SLC16A7: variants seen among roughly 807,000 people sequenced by gnomAD.
SLC16A7 encodes the protein solute carrier family 16 member 7.
SLC16A7 carries 33 observed loss-of-function variants against 34.9 expected under a neutral mutation model. That is an observed-to-expected ratio of 0.94 (90% CI 0.72 to 1.26). The LOEUF is 1.26. Among genes scored for constraint, SLC16A7 ranks in the 50% most tolerant of loss-of-function variants. The pLI is 0.00. For synonymous variants in SLC16A7, 201 were observed against 206.6 expected (o/e 0.97, Z 0.23); for missense variants, 573 against 578.1 (o/e 0.99, Z 0.09).
intron 2 of SLC16A7, among the ~76,000 whole-genome samples, chr12:59,666,523 G>A (rs560139760): frequency 8.5e-5 from 13 of 152,266 alleles, no homozygotes; most frequent in Middle Eastern, 3.4e-3. Flanking sequence ...GTTGTGGGAG[G>A]GACCTGGTGG....
intron 3 of SLC16A7, among the ~76,000 whole-genome samples, chr12:59,762,221 G>GT (rs1881092121): frequency 6.6e-6 from 1 of 152,018 alleles, no homozygotes; most frequent in Non-Finnish European, 1.5e-5. Context: ...CAATTTTCGT[G>GT]TCATAAGCCA....
intron 2 of SLC16A7, among the ~76,000 whole-genome samples, chr12:59,678,647 G>A (rs1038340308): frequency 1.3e-5 from 2 of 152,142 alleles, no homozygotes; most frequent in Non-Finnish European, 2.9e-5. Flanking sequence ...CTCATGGGCA[G>A]CCACGGGTAG....
intron 1 of SLC16A7, among the ~76,000 whole-genome samples, chr12:59,599,044 C>T (rs11173096): frequency 0.65 from 99,334 of 152,104 alleles, 32,881 homozygotes; most frequent in South Asian, 0.78. Context: ...AGCACCGATG[C>T]GATCTGTTTG....
chr12:59,774,059 T>A lies in SLC16A7; in HGVS notation c.362-598T>A, dbSNP rs903023811. 7.2e-5 allele frequency among the ~76,000 whole-genome samples: 11 copies of A among 152,314 alleles called. No homozygotes were observed. The East Asian group carries it at 2.1e-3, about 29-fold the overall frequency. On this transcript the variant is annotated intron_variant, in intron 4 of 5. Transcript: ENST00000547379. Reference sequence around the variant, plus strand: ...AACTATGTTTCAAGCAAAAACCTCCTTTTTACTTAGCACACAAGTGCATCT... The same window carrying A: ...AACTATGTTTCAAGCAAAAACCTCCATTTTACTTAGCACACAAGTGCATCT...
rs115201465 is a variant in SLC16A7, at chr12:59,639,569, A to G, written c.-129-15583A>G. 8.3e-3 allele frequency among the ~76,000 whole-genome samples: 1,259 copies of G among 152,126 alleles called. 15 individuals are homozygous for G. The highest frequency in any genetic ancestry group is 0.029 in the African/African-American group (1,211 of 41,504). On this transcript the variant is annotated intron_variant, in intron 1 of 5. Transcript: ENST00000547379. The stretch of plus-strand genomic sequence containing the variant: ...TGGCTAATTTTTTTGTATCTTTTGT[A>G]GGGACAGGGGTCTCCCGATATTGCC...
chr12:59,765,300 G>T (rs186791799), intron 3 of SLC16A7, among the ~76,000 whole-genome samples: 13 of 152,112 alleles, frequency 8.5e-5, no homozygotes, highest in Admixed American at 8.5e-4. Context: ...CACTCTGATG[G>T]TAGTTTGTTT....
chr12:59,626,526 A>C (rs1210578146), intron 1 of SLC16A7, among the ~76,000 whole-genome samples: 1 of 151,792 alleles, frequency 6.6e-6, no homozygotes, highest in African/African-American at 2.4e-5. Context: ...AGCCTCAGGC[A>C]CTTTAAGTGA....
chr12:59,615,318 C>T (rs1236262235), intron 1 of SLC16A7, among the ~76,000 whole-genome samples: 1 of 152,064 alleles, frequency 6.6e-6, no homozygotes, highest in Non-Finnish European at 1.5e-5. Flanking sequence ...CTCCTTTTCA[C>T]ATCCGTGAGA....
chr12:59,641,756 G>A (rs1227783420), intron 1 of SLC16A7, among the ~76,000 whole-genome samples: 1 of 151,944 alleles, frequency 6.6e-6, no homozygotes, highest in Non-Finnish European at 1.5e-5. Flanking sequence ...CAATTCTGAT[G>A]CTCTTCTACA....
At chr12:59,609,137 T>C (rs1474017684) in intron 1 of SLC16A7, among the ~76,000 whole-genome samples, 1 of 152,202 alleles carries the variant, frequency 6.6e-6, no homozygotes, top group Non-Finnish European at 1.5e-5. Context: ...GTTCCCGGTA[T>C]CCCTATGTGG....
intron 2 of SLC16A7, 31 bp from the exon 3 acceptor site, chr12:59,704,741 T>C: frequency 8.5e-7 from 1 of 1,175,556 alleles, no homozygotes; most frequent in Non-Finnish European, 1.2e-6. Flanking sequence ...GGAAATAAAA[T>C]TTAAACTGTT....
At chr12:59,752,753 A>T (rs900798506) in intron 3 of SLC16A7, among the ~76,000 whole-genome samples, 4 of 152,156 alleles carry the variant, frequency 2.6e-5, no homozygotes, top group Non-Finnish European at 4.4e-5. Context: ...AAATACAGAG[A>T]ACGCCACAAA....
intron 2 of SLC16A7, among the ~76,000 whole-genome samples, chr12:59,689,977 C>T (rs979699032): frequency 6.6e-6 from 1 of 151,940 alleles, no homozygotes. Flanking sequence ...ATGCTTCCAA[C>T]CCCATAAACC....
At chr12:59,614,262 C>T (rs553399629) in intron 1 of SLC16A7, among the ~76,000 whole-genome samples, 2 of 152,058 alleles carry the variant, frequency 1.3e-5, no homozygotes, top group Non-Finnish European at 2.9e-5. Flanking sequence ...GTCTCTAACT[C>T]CTGACCTCAG....
intron 4 of SLC16A7, among the ~76,000 whole-genome samples, chr12:59,773,462 A>G (rs755674124): frequency 2.6e-5 from 4 of 152,206 alleles, no homozygotes; most frequent in African/African-American, 9.6e-5. Flanking sequence ...TAGTTAATAT[A>G]GAAGAACTCT....
intron 2 of SLC16A7, among the ~76,000 whole-genome samples, chr12:59,697,797 A>G (rs891142704): frequency 2.6e-5 from 4 of 151,904 alleles, no homozygotes; most frequent in Admixed American, 1.3e-4. Context: ...CTTTGTTACA[A>G]AACAAAACCT....
intron 1 of SLC16A7, among the ~76,000 whole-genome samples, chr12:59,601,509 G>T (rs1338456733): frequency 6.6e-6 from 1 of 152,202 alleles, no homozygotes; most frequent in Non-Finnish European, 1.5e-5. Flanking sequence ...GTCGGTGACA[G>T]TATTTTTCAA....
At chr12:59,638,170 T>C (rs1880520907) in intron 1 of SLC16A7, among the ~76,000 whole-genome samples, 1 of 152,086 alleles carries the variant, frequency 6.6e-6, no homozygotes, top group Non-Finnish European at 1.5e-5. Context: ...GAAATGGTAA[T>C]AGGCTGAAGG....
chr12:59,670,512 GT>G (rs1869590360), intron 2 of SLC16A7, among the ~76,000 whole-genome samples: 2 of 151,940 alleles, frequency 1.3e-5, no homozygotes, highest in African/African-American at 4.8e-5. Context: ...CAATTCTTAA[GT>G]GCAAATTCTC....
Sources: allele counts gnomAD v4.1 joint callset (sites outside exome capture counted in the v4.1 genomes callset), GRCh38; gene constraint gnomAD v4.1.1; transcripts MANE v1.5; gene names NCBI Gene and HGNC (gene_info 2026-07-23, HGNC 2026-07-21).